Variants in AK5 observed in about 807,000 individuals in gnomAD.
AK5 encodes adenylate kinase 5, also known as adenylate kinase isoenzyme 5.
In AK5, 27 loss-of-function variants were observed where a neutral mutation model predicts 69.5. The observed-to-expected ratio is 0.39, with a 90% CI of 0.29 to 0.54. The LOEUF is 0.54. AK5 is among the 20% of genes least tolerant of loss of function. AK5 has a pLI of 0.71. For synonymous variants in AK5, 260 were observed against 244.4 expected, an observed-to-expected ratio of 1.06 and a Z score of -0.60; for missense variants, 531 against 700.4, an observed-to-expected ratio of 0.76 and a Z score of 2.73.
intron 6 of AK5, among the ~76,000 whole-genome samples, chr1:77,359,571 A>T (rs558824105): frequency 6.6e-6 from 1 of 152,340 alleles, no homozygotes; most frequent in African/African-American, 2.4e-5. Context: ...TTAAAACAGC[A>T]TATACTTCAA....
At chr1:77,489,907 GC>G (rs1655871439) in intron 10 of AK5, among the ~76,000 whole-genome samples, 2 of 152,114 alleles carry the variant, frequency 1.3e-5, no homozygotes, top group African/African-American at 2.4e-5. Context: ...CACTTTGCCA[GC>G]CCTTTCACTT....
chr1:77,537,418 C>T (rs1206514291), intron 13 of AK5, among the ~76,000 whole-genome samples: 2 of 151,960 alleles, frequency 1.3e-5, no homozygotes, highest in Non-Finnish European at 2.9e-5. Flanking sequence ...TGGGAACTAC[C>T]AAAGGGGCAG....
chr1:77,536,591 T>A (rs560001846), intron 13 of AK5, among the ~76,000 whole-genome samples: 176 of 152,140 alleles, frequency 1.2e-3, no homozygotes, highest in Non-Finnish European at 2.1e-3. Context: ...CCCTTATAGT[T>A]GCTGAAAACA....
At chr1:77,515,323 G>A (rs924517145) in intron 10 of AK5, among the ~76,000 whole-genome samples, 3 of 152,040 alleles carry the variant, frequency 2.0e-5, no homozygotes, top group African/African-American at 4.8e-5. Flanking sequence ...TATTAGAAAG[G>A]GTCAACAACT....
intron 11 of AK5, among the ~76,000 whole-genome samples, chr1:77,521,588 G>GA (rs999790493): frequency 2.5e-4 from 38 of 151,978 alleles, no homozygotes; most frequent in Admixed American, 2.2e-3. Context: ...ATACCAGTAA[G>GA]AAAAAAACAC....
chr1:77,287,242 C>T, intron 2 of AK5, 115 bp downstream of exon 2: 1 of 658,088 alleles, frequency 1.5e-6, no homozygotes, highest in Non-Finnish European at 2.2e-6. Flanking sequence ...TGCCTGAAGT[C>T]ATTGGATCAC....
intron 13 of AK5, among the ~76,000 whole-genome samples, chr1:77,555,021 C>T (rs1169860215): frequency 6.6e-6 from 1 of 152,118 alleles, no homozygotes; most frequent in African/African-American, 2.4e-5. Context: ...GGCTGGGCAC[C>T]TGTAATCCCA....
intron 6 of AK5, among the ~76,000 whole-genome samples, chr1:77,367,615 A>ATATGTTATATATATTTTATATATATGT (rs1553139807): frequency 1.1e-5 from 1 of 91,232 alleles, no homozygotes; most frequent in African/African-American, 5.1e-5. Flanking sequence ...TATGTAATAT[A>ATATGTTATATATATTTTATATATATGT]TATGTTATAT....
At chr1:77,454,305 CCCTCAAATCCT>C in intron 8 of AK5, among the ~76,000 whole-genome samples, 1 of 150,904 alleles carries the variant, frequency 6.6e-6, no homozygotes, top group Non-Finnish European at 1.5e-5. Context: ...CATTCCACTC[CCCTCAAATCCT>C]ACTCCTAATT....
intron 6 of AK5, 176 bp downstream of exon 6, chr1:77,340,744 TTTTTTAAAAAAAC>T (rs1191991919): frequency 5.3e-6 from 2 of 376,348 alleles, no homozygotes; most frequent in Non-Finnish European, 8.4e-6. Context: ...GCCATCATGT[TTTTTTAAAAAAAC>T]TTTCTTTTTA....
intron 8 of AK5, among the ~76,000 whole-genome samples, chr1:77,427,254 A>T (rs2100602756): frequency 6.6e-6 from 1 of 152,230 alleles, no homozygotes; most frequent in South Asian, 2.1e-4. Flanking sequence ...ATGAGCCTCT[A>T]GCCAGGCTAA....
intron 5 of AK5, among the ~76,000 whole-genome samples, chr1:77,329,616 G>T (rs538686972): frequency 1.3e-5 from 2 of 152,294 alleles, no homozygotes; most frequent in East Asian, 3.9e-4. Flanking sequence ...GGCAACTAGT[G>T]CAAGGACTAC....
intron 6 of AK5, among the ~76,000 whole-genome samples, chr1:77,369,135 A>G (rs1248498209): frequency 1.3e-5 from 2 of 152,194 alleles, no homozygotes; most frequent in Non-Finnish European, 2.9e-5. Context: ...AAAATGTTTT[A>G]TAAAAAATTA....
chr1:77,499,002 G>A (rs912563740), intron 10 of AK5, among the ~76,000 whole-genome samples: 2 of 152,212 alleles, frequency 1.3e-5, no homozygotes, highest in East Asian at 3.8e-4. Flanking sequence ...TTGCCTATAT[G>A]CTGCCATTTC....
chr1:77,472,680 C>T (rs1046739814), intron 8 of AK5, among the ~76,000 whole-genome samples: 1 of 141,140 alleles, frequency 7.1e-6, no homozygotes, highest in South Asian at 2.4e-4. Context: ...CTCAGGAGTT[C>T]GAGAACAGCC....
Position 77,282,236 on chromosome 1 carries a change from C to A in AK5, c.-78C>A. On this transcript the variant is annotated 5_prime_UTR_variant, in exon 1 of 14. Coordinates refer to ENST00000354567, the MANE Select transcript of AK5 (RefSeq NM_174858.3). ...GCTGCTCGGCGCGGACTCTGCCAGC[C>A]CCAGCTTCAGCCCCGGCTCAGGTCG... The A allele has an allele frequency of 7.1e-7, 1 of 1,408,086 alleles. No homozygotes were observed. The highest frequency in any genetic ancestry group is 1.4e-5 in the South Asian group (1 of 73,868). 87.2% of individuals were successfully genotyped at this position (1,408,086 alleles called of 1,614,324 possible).
chr1:77,547,966 A>G (rs1659622742), intron 13 of AK5, among the ~76,000 whole-genome samples: 1 of 152,162 alleles, frequency 6.6e-6, no homozygotes, highest in Non-Finnish European at 1.5e-5. Flanking sequence ...TCTAGGAGGG[A>G]AGCACTGAGT....
intron 5 of AK5, among the ~76,000 whole-genome samples, chr1:77,315,689 T>A (rs1406660066): frequency 6.6e-6 from 1 of 152,190 alleles, no homozygotes; most frequent in South Asian, 2.1e-4. Context: ...GTAGCTCCTA[T>A]GTAGGCGACA....
At chr1:77,397,723 T>C (rs1242051185) in intron 6 of AK5, among the ~76,000 whole-genome samples, 1 of 152,032 alleles carries the variant, frequency 6.6e-6, no homozygotes, top group Non-Finnish European at 1.5e-5. Flanking sequence ...AGTGAGACCT[T>C]GTCTCTACAA....
Sources: gnomAD v4.1 joint callset for allele counts (sites outside exome capture counted in the v4.1 genomes callset) on GRCh38, gnomAD v4.1.1 for gene constraint, MANE v1.5 for transcripts, NCBI Gene and HGNC (gene_info 2026-07-23, HGNC 2026-07-21) for gene names.